Variants in SRPK2 observed in about 807,000 individuals in gnomAD.
The protein encoded by SRPK2 is SFRS protein kinase 2.
Under a neutral mutation model 90.8 loss-of-function variants are expected in SRPK2, and 21 were observed. The observed-to-expected ratio is 0.23, with a 90% CI of 0.16 to 0.33. SRPK2 has a LOEUF of 0.33. SRPK2 is among the 10% of genes least tolerant of loss of function. The pLI is 1.00. For missense variants in SRPK2, 620 were observed against 869.0 expected, an observed-to-expected ratio of 0.71 and a Z score of 3.60; for synonymous variants, 288 against 311.1, an observed-to-expected ratio of 0.93 and a Z score of 0.78.
chr7:105,323,459 A>G (rs1323114277), intron 2 of SRPK2, among the ~76,000 whole-genome samples: 1 of 152,226 alleles, frequency 6.6e-6, no homozygotes, highest in Non-Finnish European at 1.5e-5. Context: ...GGAGAACCAC[A>G]TAGAATCTTT....
chr7:105,265,599 G>A (rs1804950603), intron 2 of SRPK2, among the ~76,000 whole-genome samples: 1 of 152,074 alleles, frequency 6.6e-6, no homozygotes, highest in South Asian at 2.1e-4. Context: ...AGGGCAAAAT[G>A]AAGAAACGAG....
intron 2 of SRPK2, among the ~76,000 whole-genome samples, chr7:105,380,163 A>G (rs1275968702): frequency 6.6e-6 from 1 of 152,220 alleles, no homozygotes; most frequent in Non-Finnish European, 1.5e-5. Context: ...AGGGAGTTTC[A>G]CTGCGTCGCC....
chr7:105,281,105 G>C (rs563482791), intron 2 of SRPK2, among the ~76,000 whole-genome samples: 14 of 146,730 alleles, frequency 9.5e-5, no homozygotes, highest in African/African-American at 3.3e-4. Context: ...TTTTTCCCCC[G>C]CTTTTTCTGA....
intron 2 of SRPK2, among the ~76,000 whole-genome samples, chr7:105,302,919 A>G (rs1810719232): frequency 6.6e-6 from 1 of 152,006 alleles, no homozygotes. Context: ...GAAGAAAAAA[A>G]AAAAATTAGC....
chr7:105,132,661 C>G, intron 13 of SRPK2, 130 bp downstream of exon 13: 1 of 701,316 alleles, frequency 1.4e-6, no homozygotes, highest in Non-Finnish European at 2.3e-6. Context: ...TTCCCCTCAC[C>G]CAGCCCACGG....
Position 105,203,641 on chromosome 7 carries a change from C to T in SRPK2, c.216G>A (p.Ala72=), listed in dbSNP as rs933431381. ...GSDDEEQEDP[A]DYCKGGYHPV... ...TTGGCACATCACCTTTGCAGTAGTC[C>T]GCAGGGTCCTCTTGCTCCTCATCAT... The change falls in exon 3 of 16, where the codon GCG becomes GCA. Residue 72 remains alanine (A), a synonymous_variant. Coordinates refer to ENST00000393651, the MANE Select transcript of SRPK2 (RefSeq NM_182692.3). 5.9e-6 allele frequency: 9 copies of T among 1,524,598 alleles called. No homozygotes were observed. The East Asian group carries it at 1.2e-4, about 20-fold the overall frequency. The allele number at this position is 1,524,598 out of a possible 1,614,324, so 94.4% of individuals were successfully genotyped here.
intron 2 of SRPK2, among the ~76,000 whole-genome samples, chr7:105,295,732 A>C (rs1384132047): frequency 6.6e-6 from 1 of 152,218 alleles, no homozygotes; most frequent in Non-Finnish European, 1.5e-5. Context: ...ATGCAACTGA[A>C]CTGCACACTT....
chr7:105,324,163 A>T (rs915078819), intron 2 of SRPK2, among the ~76,000 whole-genome samples: 1 of 151,118 alleles, frequency 6.6e-6, no homozygotes, highest in Non-Finnish European at 1.5e-5. Flanking sequence ...TGCCCGGGTA[A>T]TTATATATAT....
chr7:105,244,854 C>T (rs1212754425), intron 2 of SRPK2: 2 of 1,157,100 alleles, frequency 1.7e-6, no homozygotes, highest in East Asian at 2.3e-5. Context: ...CAAAGACAAA[C>T]GGGTCCTCAA....
At chr7:105,365,223 G>A (rs1324032821) in intron 2 of SRPK2, among the ~76,000 whole-genome samples, 7 of 152,034 alleles carry the variant, frequency 4.6e-5, no homozygotes, top group African/African-American at 1.2e-4. Context: ...AGTGGCTCAC[G>A]CCTGTAATCC....
In SRPK2 at chr7:105,203,773, T is replaced by C. The variant is rs942694927; in HGVS notation, c.84A>G (p.Gln28=). 6.3e-6 allele frequency: 10 copies of C among 1,589,814 alleles called. No homozygotes were observed. The highest frequency in any genetic ancestry group is 8.6e-6 in the Non-Finnish European group (10 of 1,167,760). The change falls in exon 3 of 16, where the codon CAA becomes CAG. Residue 28 remains glutamine, a synonymous_variant. Coordinates refer to ENST00000393651, the MANE Select transcript of SRPK2 (RefSeq NM_182692.3). ...REKHPKKPEP[Q]QKAPLVPPPP... ...GAGGAGGAACTAAAGGAGCTTTCTG[T>C]TGAGGCTCCGGCCTGAAAGAGCAGA...
intron 2 of SRPK2, among the ~76,000 whole-genome samples, chr7:105,229,135 C>A (rs1402638239): frequency 6.6e-6 from 1 of 152,108 alleles, no homozygotes; most frequent in Non-Finnish European, 1.5e-5. Context: ...CATAAAACCA[C>A]CCAAAATTTT....
At chr7:105,237,982 A>G (rs752190867) in intron 2 of SRPK2, among the ~76,000 whole-genome samples, 1 of 152,214 alleles carries the variant, frequency 6.6e-6, no homozygotes, top group Non-Finnish European at 1.5e-5. Flanking sequence ...ACAACTCATG[A>G]GCAAAATAAC....
At chr7:105,280,443 A>T (rs1030538225) in intron 2 of SRPK2, among the ~76,000 whole-genome samples, 1 of 151,920 alleles carries the variant, frequency 6.6e-6, no homozygotes, top group African/African-American at 2.4e-5. Flanking sequence ...AAAGTCAAAA[A>T]TTAAGATGTT....
intron 3 of SRPK2, among the ~76,000 whole-genome samples, chr7:105,189,979 A>G (rs1172188173): frequency 3.9e-5 from 6 of 152,218 alleles, no homozygotes; most frequent in African/African-American, 1.4e-4. Flanking sequence ...GTCTCTCACC[A>G]CTGCCATGCC....
intron 2 of SRPK2, among the ~76,000 whole-genome samples, chr7:105,328,623 G>C (rs1306761543): frequency 2.7e-5 from 4 of 150,306 alleles, no homozygotes; most frequent in Admixed American, 6.7e-5. Flanking sequence ...CCAGCACTTT[G>C]GGAGGCCGAG....
chr7:105,231,940 C>T (rs762877682), intron 2 of SRPK2, among the ~76,000 whole-genome samples: 1 of 152,180 alleles, frequency 6.6e-6, no homozygotes, highest in Non-Finnish European at 1.5e-5. Context: ...TCACTGTAAC[C>T]TTGAACTCCT....
chr7:105,196,942 C>T (rs528800331), intron 3 of SRPK2, among the ~76,000 whole-genome samples: 2 of 152,058 alleles, frequency 1.3e-5, no homozygotes, highest in Admixed American at 6.5e-5. Context: ...CCAAGCTACT[C>T]GGGAGGCTGA....
At chr7:105,349,340 T>C (rs1411495662) in intron 2 of SRPK2, among the ~76,000 whole-genome samples, 1 of 151,772 alleles carries the variant, frequency 6.6e-6, no homozygotes, top group Non-Finnish European at 1.5e-5. Context: ...CCGACCAACA[T>C]GGAGAAGCCC....
Sources: gnomAD v4.1 joint callset for allele counts (sites outside exome capture counted in the v4.1 genomes callset) on GRCh38, gnomAD v4.1.1 for gene constraint, MANE v1.5 for transcripts, NCBI Gene and HGNC (gene_info 2026-07-23, HGNC 2026-07-21) for gene names.